FIGN: variants seen among roughly 807,000 people sequenced by gnomAD.
FIGN encodes the protein fidgetin, microtubule severing factor, also known as fidgetin.
In FIGN, 11 loss-of-function variants were observed where a neutral mutation model predicts 51.3. That is an observed-to-expected ratio of 0.21 (90% CI 0.13 to 0.35). The LOEUF (loss-of-function observed/expected upper bound fraction) is 0.35, where lower values mean the gene tolerates loss of function less well. Among genes scored for constraint, FIGN ranks in the 10% least tolerant of loss-of-function variants. FIGN has a pLI of 1.00. For synonymous variants in FIGN, 407 were observed against 363.2 expected (o/e 1.12, Z -1.37); for missense variants, 857 against 943.6 (o/e 0.91, Z 1.20).
At chr2:163,645,047 T>C (rs540657191) in intron 2 of FIGN, among the ~76,000 whole-genome samples, 6 of 152,276 alleles carry the variant, frequency 3.9e-5, no homozygotes, top group Admixed American at 6.5e-5. Context: ...CTAGAAACTA[T>C]TGAACTGTAC....
intron 2 of FIGN, among the ~76,000 whole-genome samples, chr2:163,652,309 A>T (rs1339530089): frequency 6.6e-6 from 1 of 151,682 alleles, no homozygotes; most frequent in Non-Finnish European, 1.5e-5. Context: ...GAATTCCATA[A>T]GAGAGGAAGA....
intron 2 of FIGN, among the ~76,000 whole-genome samples, chr2:163,615,330 C>CA (rs147740809): frequency 0.018 from 2,696 of 152,314 alleles, 93 homozygotes; most frequent in African/African-American, 0.062. Flanking sequence ...AATCTAACCA[C>CA]AAACTAATTC....
intron 2 of FIGN, among the ~76,000 whole-genome samples, chr2:163,623,474 G>T (rs1190941385): frequency 6.6e-6 from 1 of 152,048 alleles, no homozygotes; most frequent in Non-Finnish European, 1.5e-5. Flanking sequence ...AGGTTTACAG[G>T]AAAAGCAAAT....
intron 2 of FIGN, among the ~76,000 whole-genome samples, chr2:163,639,901 T>C (rs1022430437): frequency 1.3e-5 from 2 of 152,190 alleles, no homozygotes; most frequent in East Asian, 3.8e-4. Flanking sequence ...TAAGTAGATA[T>C]ATACATGAAT....
rs1328081501 is a variant in FIGN, at chr2:163,677,037, A to G, written c.25+57866T>C. 2.7e-4 allele frequency among the ~76,000 whole-genome samples: 41 copies of G among 152,154 alleles called. 1 individual carries two copies. The highest frequency in any genetic ancestry group is 2.7e-3 in the Admixed American group (41 of 15,274). On this transcript the variant is annotated intron_variant, in intron 2 of 2. Transcript: ENST00000333129. ...GTCACCCACTCTGCTTATGTGCTAA[A>G]CTTTGTTGACAGCAACAATATCCTT...
At chr2:163,723,219 A>C (rs1205205274) in intron 2 of FIGN, among the ~76,000 whole-genome samples, 2 of 151,416 alleles carry the variant, frequency 1.3e-5, no homozygotes, top group Non-Finnish European at 1.5e-5. Flanking sequence ...AAAATAATAA[A>C]ATAAAATAAA....
chr2:163,710,058 T>C (rs1684563520), intron 2 of FIGN, among the ~76,000 whole-genome samples: 1 of 152,204 alleles, frequency 6.6e-6, no homozygotes. Flanking sequence ...CAAATATTTA[T>C]AAAATCTCTC....
intron 2 of FIGN, among the ~76,000 whole-genome samples, chr2:163,718,738 T>A (rs1684708183): frequency 6.6e-6 from 1 of 152,034 alleles, no homozygotes; most frequent in South Asian, 2.1e-4. Context: ...AATCCCCATA[T>A]CAAATAAGTG....
chr2:163,723,500 A>G (rs1464914236), intron 2 of FIGN, among the ~76,000 whole-genome samples: 2 of 152,174 alleles, frequency 1.3e-5, no homozygotes, highest in East Asian at 3.9e-4. Context: ...GTCGAAATCA[A>G]TCCTAATTAG....
chr2:163,733,489 A>G (rs1684963288), intron 2 of FIGN, among the ~76,000 whole-genome samples: 1 of 152,222 alleles, frequency 6.6e-6, no homozygotes, highest in Admixed American at 6.5e-5. Context: ...CTCTGAATAT[A>G]TATTACAGCT....
At chr2:163,685,217 C>A (rs1470858637) in intron 2 of FIGN, among the ~76,000 whole-genome samples, 2 of 152,088 alleles carry the variant, frequency 1.3e-5, no homozygotes, top group Non-Finnish European at 2.9e-5. Flanking sequence ...TTCTTTTTTA[C>A]AATTAGACTT....
At chr2:163,621,815 G>A (rs1315673832) in intron 2 of FIGN, among the ~76,000 whole-genome samples, 1 of 152,136 alleles carries the variant, frequency 6.6e-6, no homozygotes. Context: ...GCAGAAACAG[G>A]AGAGGATATC....
chr2:163,707,556 T>C (rs557685597), intron 2 of FIGN, among the ~76,000 whole-genome samples: 92 of 152,286 alleles, frequency 6.0e-4, no homozygotes, highest in Non-Finnish European at 1.0e-3. Context: ...TGTGAAATTA[T>C]ACAACCAAAA....
At chr2:163,631,989 A>T (rs1309432823) in intron 2 of FIGN, among the ~76,000 whole-genome samples, 3 of 152,098 alleles carry the variant, frequency 2.0e-5, no homozygotes, top group Non-Finnish European at 4.4e-5. Context: ...CTCTACTAAA[A>T]ATACAGAACT....
In FIGN at chr2:163,680,657, CTACA is replaced by C. The variant is rs1021038358; in HGVS notation, c.25+54242_25+54245del. ...TTCCGTCCTATAATTTGGCAGCTACCTACATATTCTTCAGAGGTCAGATAAACCA... is the reference window on the plus strand; with the variant it reads ...TTCCGTCCTATAATTTGGCAGCTACCTATTCTTCAGAGGTCAGATAAACCA... On this transcript the variant is annotated intron_variant, in intron 2 of 2. Coordinates refer to ENST00000333129, the MANE Select transcript of FIGN (RefSeq NM_018086.4). Among the ~76,000 whole-genome samples, 6 of 152,090 alleles carry C rather than the reference CTACA, an allele frequency of 3.9e-5. No homozygotes were observed. In the South Asian group the frequency reaches 8.3e-4, roughly 21 times the overall value.
At chr2:163,684,347 T>C (rs922148652) in intron 2 of FIGN, among the ~76,000 whole-genome samples, 2 of 152,238 alleles carry the variant, frequency 1.3e-5, no homozygotes, top group African/African-American at 4.8e-5. Flanking sequence ...CAGTCCCTAA[T>C]ATTTGCATAG....
chr2:163,715,246 C>G (rs906886761), intron 2 of FIGN, among the ~76,000 whole-genome samples: 1 of 152,188 alleles, frequency 6.6e-6, no homozygotes, highest in African/African-American at 2.4e-5. Context: ...TGCCTCAGTA[C>G]TCGAGCTCAC....
intron 1 of FIGN, 102 bp from the exon 2 acceptor site, chr2:163,735,174 A>AG: frequency 4.0e-6 from 2 of 502,370 alleles, no homozygotes; most frequent in South Asian, 5.1e-5. Context: ...CAGGAATGCA[A>AG]GTCCATGTCA....
chr2:163,704,830 A>C (rs1199322622), intron 2 of FIGN, among the ~76,000 whole-genome samples: 1 of 152,040 alleles, frequency 6.6e-6, no homozygotes, highest in East Asian at 1.9e-4. Context: ...CTAAGTGTTC[A>C]AATGGAATAA....
Sources: allele counts gnomAD v4.1 joint callset (sites outside exome capture counted in the v4.1 genomes callset), GRCh38; gene constraint gnomAD v4.1.1; transcripts MANE v1.5; gene names NCBI Gene and HGNC (gene_info 2026-07-23, HGNC 2026-07-21).